Variants in EPHB1 observed in about 807,000 individuals in gnomAD.
EPHB1 encodes EPH receptor B1, also known as ephrin type-B receptor 1.
Under a neutral mutation model 94.4 loss-of-function variants are expected in EPHB1, and 30 were observed. That is an observed-to-expected ratio of 0.32 (90% CI 0.24 to 0.43). The LOEUF (loss-of-function observed/expected upper bound fraction) is 0.43. Ranked by LOEUF, EPHB1 falls within the 20% of genes least tolerant of loss-of-function variation. The pLI is 1.00. For missense variants in EPHB1, 1,055 were observed against 1,308.3 expected, an observed-to-expected ratio of 0.81 and a Z score of 2.99; for synonymous variants, 522 against 489.1, an observed-to-expected ratio of 1.07 and a Z score of -0.89.
At chr3:135,073,663 TTCTC>T (rs1010706624) in intron 3 of EPHB1, among the ~76,000 whole-genome samples, 9 of 152,162 alleles carry the variant, frequency 5.9e-5, no homozygotes, top group African/African-American at 2.2e-4. Context: ...GTCTCTGTCT[TTCTC>T]TCTTTTTTTT....
In EPHB1 at chr3:135,118,881, C is replaced by A. The variant is rs924171409; in HGVS notation, c.961+12278C>A. On this transcript the variant is annotated intron_variant, in intron 4 of 15. Coordinates refer to ENST00000398015, the MANE Select transcript of EPHB1 (RefSeq NM_004441.5). Reference sequence around the variant, plus strand: ...ATAATACTGCCACAAAAATGCATATCCCTATATTTGTGGAGGAAATTCACC... The same window carrying A: ...ATAATACTGCCACAAAAATGCATATACCTATATTTGTGGAGGAAATTCACC... Among the ~76,000 whole-genome samples, 50 of 152,152 alleles carry A rather than the reference C, an allele frequency of 3.3e-4. 1 individual carries two copies. Among genetic ancestry groups the A allele is most frequent in the Non-Finnish European group, 2.2e-4 (15 of 68,040 alleles).
chr3:135,002,644 T>C (rs1388814136), intron 3 of EPHB1, among the ~76,000 whole-genome samples: 1 of 152,096 alleles, frequency 6.6e-6, no homozygotes, highest in Non-Finnish European at 1.5e-5. Context: ...GATCCTGTTA[T>C]TGGTCTATTC....
At chr3:135,054,074 G>T in intron 3 of EPHB1, among the ~76,000 whole-genome samples, 1 of 130,620 alleles carries the variant, frequency 7.7e-6, no homozygotes, top group Non-Finnish European at 1.7e-5. Context: ...CACACACATA[G>T]CATTATTTAT....
At chr3:135,118,157 A>T (rs1402333333) in intron 4 of EPHB1, among the ~76,000 whole-genome samples, 1 of 152,166 alleles carries the variant, frequency 6.6e-6, no homozygotes, top group African/African-American at 2.4e-5. Context: ...CAGGGTCTGC[A>T]TGAGGCTCCA....
At chr3:135,110,402 C>G (rs1001537025) in intron 4 of EPHB1, among the ~76,000 whole-genome samples, 1 of 152,164 alleles carries the variant, frequency 6.6e-6, no homozygotes, top group Non-Finnish European at 1.5e-5. Context: ...TTCGGGGTTT[C>G]CCTGGAGGCC....
At chr3:135,044,520 C>A (rs892365936) in intron 3 of EPHB1, among the ~76,000 whole-genome samples, 1 of 152,194 alleles carries the variant, frequency 6.6e-6, no homozygotes, top group Non-Finnish European at 1.5e-5. Flanking sequence ...AGTTCATAAT[C>A]CCAATTCTGC....
intron 3 of EPHB1, among the ~76,000 whole-genome samples, chr3:134,996,072 G>A (rs1197311350): frequency 2.0e-5 from 3 of 151,906 alleles, no homozygotes; most frequent in Non-Finnish European, 2.9e-5. Context: ...ATTAAATTTA[G>A]CAACTTATTT....
chr3:135,115,627 C>T (rs985247373), intron 4 of EPHB1, among the ~76,000 whole-genome samples: 1 of 152,030 alleles, frequency 6.6e-6, no homozygotes, highest in Non-Finnish European at 1.5e-5. Context: ...GTGTCCGATG[C>T]AGTCAAGTGG....
At chr3:134,873,925 G>C (rs929966644) in intron 1 of EPHB1, among the ~76,000 whole-genome samples, 1 of 152,122 alleles carries the variant, frequency 6.6e-6, no homozygotes, top group Non-Finnish European at 1.5e-5. Context: ...TTGTCACTCA[G>C]GTTAGCAAGG....
At chr3:134,834,172 A>G (rs969713331) in intron 1 of EPHB1, among the ~76,000 whole-genome samples, 2 of 152,176 alleles carry the variant, frequency 1.3e-5, no homozygotes, top group African/African-American at 4.8e-5. Flanking sequence ...CTGGAATGCA[A>G]GCCCATAACA....
chr3:134,917,635 T>G (rs2038601495), intron 1 of EPHB1, among the ~76,000 whole-genome samples: 1 of 152,232 alleles, frequency 6.6e-6, no homozygotes, highest in African/African-American at 2.4e-5. Flanking sequence ...GTATGTCCTT[T>G]AAAAGAGCAA....
chr3:135,004,077 G>C lies in EPHB1; in HGVS notation c.805+52025G>C, dbSNP rs572382438. 3.3e-5 allele frequency among the ~76,000 whole-genome samples: 5 copies of C among 152,044 alleles called. No individual in the cohort carries two copies. In the South Asian group the frequency reaches 8.3e-4, roughly 25 times the overall value. On this transcript the variant is annotated intron_variant, in intron 3 of 15. Transcript: ENST00000398015. ...CTCGATGGTCTTTTCATTTTGGCAT[G>C]ATTTTGCAGCAGCTGGTACTGGTTG... is the stretch of plus-strand genomic sequence containing the variant.
chr3:134,816,832 G>A lies in EPHB1; in HGVS notation c.58+21143G>A, dbSNP rs142509976. Among the ~76,000 whole-genome samples the A allele has an allele frequency of 2.3e-4, 35 of 152,136 alleles. No homozygotes were observed. In the South Asian group the frequency reaches 3.3e-3, roughly 14 times the overall value. ...GCGATGTTCAGTAACCTGACATGAC[G>A]TATCATGGCCAAGAGTCGCAGGCGT... is the stretch of plus-strand genomic sequence containing the variant. On this transcript the variant is annotated intron_variant, in intron 1 of 15. Transcript: ENST00000398015.
chr3:134,807,540 T>TAA (rs201944239), intron 1 of EPHB1, among the ~76,000 whole-genome samples: 30 of 5,084 alleles, frequency 5.9e-3, no homozygotes, highest in South Asian at 0.031. Context: ...TGTGTGTGTG[T>TAA]GAGAGAGAGA....
intron 2 of EPHB1, among the ~76,000 whole-genome samples, chr3:134,928,388 C>A (rs1310857649): frequency 6.6e-6 from 1 of 152,216 alleles, no homozygotes; most frequent in Non-Finnish European, 1.5e-5. Context: ...GAATTGGATT[C>A]ATTTCTAGCC....
At chr3:135,197,467 A>G (rs371671150) in intron 11 of EPHB1, among the ~76,000 whole-genome samples, 1 of 152,304 alleles carries the variant, frequency 6.6e-6, no homozygotes, top group Non-Finnish European at 1.5e-5. Context: ...TGTTAACTCA[A>G]TTTTCCAATT....
chr3:135,108,251 G>T (rs1368105564), intron 4 of EPHB1, among the ~76,000 whole-genome samples: 1 of 152,136 alleles, frequency 6.6e-6, no homozygotes, highest in African/African-American at 2.4e-5. Flanking sequence ...AGTTTATAAA[G>T]AGTTTTAGAA....
intron 3 of EPHB1, among the ~76,000 whole-genome samples, chr3:134,986,364 T>C (rs994871220): frequency 1.3e-5 from 2 of 152,236 alleles, no homozygotes; most frequent in African/African-American, 4.8e-5. Context: ...AAATGCAGCG[T>C]GGCATAGACA....
intron 4 of EPHB1, among the ~76,000 whole-genome samples, chr3:135,116,737 A>AGTCT (rs1441317379): frequency 2.0e-5 from 3 of 152,166 alleles, no homozygotes; most frequent in Admixed American, 2.0e-4. Flanking sequence ...TGCTTCTCAA[A>AGTCT]GTCTGTCCCT....
Sources: gnomAD v4.1 joint callset for allele counts (sites outside exome capture counted in the v4.1 genomes callset) on GRCh38, gnomAD v4.1.1 for gene constraint, MANE v1.5 for transcripts, NCBI Gene and HGNC (gene_info 2026-07-23, HGNC 2026-07-21) for gene names.